Variants in PTPRD observed in about 807,000 individuals in gnomAD.
PTPRD encodes the protein receptor-type tyrosine-protein phosphatase delta.
In PTPRD, 34 loss-of-function variants were observed where a neutral mutation model predicts 214.5. The ratio of observed to expected loss-of-function variants is 0.16; its 90% CI spans 0.12 to 0.21. The LOEUF (loss-of-function observed/expected upper bound fraction) is 0.21. Among genes scored for constraint, PTPRD ranks in the 10% least tolerant of loss-of-function variants. PTPRD has a pLI of 1.00. For synonymous variants in PTPRD, 1,128 were observed against 845.7 expected (o/e 1.33, Z -5.79); for missense variants, 2,545 against 2,398.7 (o/e 1.06, Z -1.27).
At chr9:8,823,180 G>C (rs1046695168) in intron 11 of PTPRD, among the ~76,000 whole-genome samples, 3 of 152,056 alleles carry the variant, frequency 2.0e-5, no homozygotes, top group African/African-American at 7.2e-5. Context: ...ACTTGGGCCT[G>C]TTCTTTCTCA....
intron 11 of PTPRD, among the ~76,000 whole-genome samples, chr9:8,977,079 C>T (rs2099272044): frequency 6.6e-6 from 1 of 152,056 alleles, no homozygotes; most frequent in Non-Finnish European, 1.5e-5. Context: ...ATCCTCTTAA[C>T]CATCCATCAA....
chr9:8,998,157 G>T (rs564626269), intron 11 of PTPRD, among the ~76,000 whole-genome samples: 120 of 152,192 alleles, frequency 7.9e-4, no homozygotes, highest in Middle Eastern at 3.4e-3. Flanking sequence ...TGATGAAGGT[G>T]GCTACATTAC....
At chr9:8,627,379 C>G (rs533390935) in intron 14 of PTPRD, among the ~76,000 whole-genome samples, 1 of 151,986 alleles carries the variant, frequency 6.6e-6, no homozygotes, top group Admixed American at 6.6e-5. Context: ...ACCTTGGCTC[C>G]TTACATCAAA....
chr9:9,580,944 T>C (rs1293234997), intron 7 of PTPRD, among the ~76,000 whole-genome samples: 1 of 152,100 alleles, frequency 6.6e-6, no homozygotes, highest in Non-Finnish European at 1.5e-5. Context: ...TCAGTTGTGT[T>C]GTTGTCAAAT....
At chr9:10,500,743 T>C (rs1361704261) in intron 2 of PTPRD, among the ~76,000 whole-genome samples, 2 of 151,636 alleles carry the variant, frequency 1.3e-5, no homozygotes, top group East Asian at 3.9e-4. Context: ...ACTCTCTATC[T>C]CCATGAATTC....
At chr9:10,206,172 G>C (rs1315730094) in intron 3 of PTPRD, among the ~76,000 whole-genome samples, 1 of 151,866 alleles carries the variant, frequency 6.6e-6, no homozygotes, top group Non-Finnish European at 1.5e-5. Context: ...CTTGTAAGGA[G>C]AAATAGCACG....
chr9:8,861,113 C>T (rs546806175), intron 11 of PTPRD: 5 of 151,952 alleles, frequency 3.3e-5, no homozygotes, highest in African/African-American at 7.3e-5. Context: ...ATTCAGCATA[C>T]GATGAGTATG....
At chr9:8,736,905 C>T (rs1259499232) in intron 11 of PTPRD, among the ~76,000 whole-genome samples, 3 of 152,206 alleles carry the variant, frequency 2.0e-5, no homozygotes, top group African/African-American at 7.2e-5. Flanking sequence ...AATCAGCTCT[C>T]CCCTCCCCAT....
intron 8 of PTPRD, among the ~76,000 whole-genome samples, chr9:9,498,754 T>C (rs553723518): frequency 7.9e-4 from 120 of 152,142 alleles, no homozygotes; most frequent in Non-Finnish European, 1.2e-3. Context: ...ACAATGAACA[T>C]AGGCACACTA....
intron 3 of PTPRD, among the ~76,000 whole-genome samples, chr9:10,145,038 G>C (rs192745719): frequency 6.6e-6 from 1 of 151,750 alleles, no homozygotes; most frequent in African/African-American, 2.4e-5. Flanking sequence ...TAAACACACC[G>C]ATTTTTCAAA....
chr9:9,554,734 A>T (rs2081107704), intron 8 of PTPRD, among the ~76,000 whole-genome samples: 1 of 152,058 alleles, frequency 6.6e-6, no homozygotes, highest in Non-Finnish European at 1.5e-5. Flanking sequence ...GATAAAAAGA[A>T]TTGCAGAGGA....
At chr9:9,099,480 T>TA (rs1301124148) in intron 10 of PTPRD, among the ~76,000 whole-genome samples, 1 of 152,178 alleles carries the variant, frequency 6.6e-6, no homozygotes, top group East Asian at 1.9e-4. Context: ...CGATACTTTT[T>TA]ATGCCTGCCT....
chr9:9,722,821 A>T (rs552154864), intron 7 of PTPRD, among the ~76,000 whole-genome samples: 96 of 152,152 alleles, frequency 6.3e-4, no homozygotes, highest in Non-Finnish European at 1.2e-3. Context: ...AGTGATTTTC[A>T]TATGCTTTTG....
At chr9:9,520,354 A>T (rs1331438967) in intron 8 of PTPRD, among the ~76,000 whole-genome samples, 1 of 149,976 alleles carries the variant, frequency 6.7e-6, no homozygotes, top group Non-Finnish European at 1.5e-5. Context: ...ATTTTAGAAC[A>T]TGCATGAATA....
chr9:10,217,024 A>G (rs1039107788), intron 3 of PTPRD, among the ~76,000 whole-genome samples: 1 of 151,938 alleles, frequency 6.6e-6, no homozygotes, highest in Admixed American at 6.6e-5. Flanking sequence ...TAATCCTGCA[A>G]TTAGGACAAT....
At chr9:9,802,014 G>GA (rs1402343728) in intron 5 of PTPRD, among the ~76,000 whole-genome samples, 2 of 151,930 alleles carry the variant, frequency 1.3e-5, no homozygotes, top group African/African-American at 2.4e-5. Flanking sequence ...TGAGTATTGA[G>GA]AAAAAAATAG....
At chr9:9,288,000 G>T (rs1216428032) in intron 9 of PTPRD, among the ~76,000 whole-genome samples, 1 of 151,604 alleles carries the variant, frequency 6.6e-6, no homozygotes, top group East Asian at 2.0e-4. Context: ...AAGTGAGGCT[G>T]CCTAGTAGAG....
At position 9,022,544 on chromosome 9, in the gene PTPRD, C is replaced by G. The variant is rs374130271; in HGVS notation, c.-142-3809G>C. 2.6e-5 allele frequency among the ~76,000 whole-genome samples: 4 copies of G among 152,194 alleles called. 1 individual carries two copies. On this transcript the variant is annotated intron_variant, in intron 10 of 45. Transcript: ENST00000381196. ...TGTGGCTTAAGAACAATAGGCTATA[C>G]CACATACCATAAGTTTGTAGTAGGT...
intron 11 of PTPRD, among the ~76,000 whole-genome samples, chr9:8,798,491 G>C (rs924641624): frequency 6.6e-6 from 1 of 152,160 alleles, no homozygotes; most frequent in Non-Finnish European, 1.5e-5. Flanking sequence ...ACAGGAAAAA[G>C]ATTATAAATG....
Sources: gnomAD v4.1 joint callset for allele counts (sites outside exome capture counted in the v4.1 genomes callset) on GRCh38, gnomAD v4.1.1 for gene constraint, MANE v1.5 for transcripts, NCBI Gene and HGNC (gene_info 2026-07-23, HGNC 2026-07-21) for gene names.